MAGEA11: variants seen among roughly 807,000 people sequenced by gnomAD.
MAGEA11 encodes MAGE family member A11.
Under a neutral mutation model 8.4 loss-of-function variants are expected in MAGEA11, and 1 was observed. The ratio of observed to expected loss-of-function variants is 0.12; its 90% CI spans 0.04 to 0.57. MAGEA11 has a LOEUF of 0.57. Ranked by LOEUF, MAGEA11 falls within the 20% of genes least tolerant of loss-of-function variation. The probability of loss-of-function intolerance (pLI) is 0.91; values close to 1 mark genes in which losing one functional copy is unlikely to be tolerated. For synonymous variants in MAGEA11, 127 were observed against 119.3 expected, an observed-to-expected ratio of 1.06 and a Z score of -0.42; for missense variants, 209 against 317.3, an observed-to-expected ratio of 0.66 and a Z score of 2.59.
At chrX:149,711,114 G>C (rs1042243349), upstream of MAGEA11, among the ~76,000 whole-genome samples, 1 of 111,874 alleles carries the variant, frequency 8.9e-6, no homozygotes, top group African/African-American at 3.2e-5. Context: ...AATACGGCTG[G>C]AATTTGTGCT....
At chrX:149,696,269 G>A (rs1476349375) in intron 1 of MAGEA11, among the ~76,000 whole-genome samples, 2 of 109,131 alleles carry the variant, frequency 1.8e-5, no homozygotes, top group Admixed American at 9.8e-5. Flanking sequence ...AGCAGTCAGG[G>A]CAGGGCTTGG....
At chrX:149,710,258 G>GATATA (rs1557361802), upstream of MAGEA11, among the ~76,000 whole-genome samples, 1 of 112,089 alleles carries the variant, frequency 8.9e-6, no homozygotes, top group African/African-American at 3.2e-5. Context: ...TTTTACTGAG[G>GATATA]CAACTATACA....
intron 1 of MAGEA11, among the ~76,000 whole-genome samples, chrX:149,704,178 C>T (rs1295113688): frequency 1.8e-5 from 2 of 111,950 alleles, no homozygotes; most frequent in Non-Finnish European, 3.8e-5. Context: ...TGGCCTCTCT[C>T]CTGTTCTATC....
At chrX:149,690,010 C>T (rs1275472119) in intron 1 of MAGEA11, among the ~76,000 whole-genome samples, 1 of 112,415 alleles carries the variant, frequency 8.9e-6, no homozygotes, top group Non-Finnish European at 1.9e-5. Flanking sequence ...CTGTCTCTAA[C>T]CTCATTCCTA....
chrX:149,700,039 T>C (rs1466914560), intron 1 of MAGEA11, among the ~76,000 whole-genome samples: 2 of 112,051 alleles, frequency 1.8e-5, no homozygotes, highest in Non-Finnish European at 3.8e-5. Flanking sequence ...GAGAACAGCA[T>C]GGGGGGACCC....
chrX:149,694,131 A>C (rs1427049028), intron 1 of MAGEA11, among the ~76,000 whole-genome samples: 1 of 112,173 alleles, frequency 8.9e-6, no homozygotes, highest in Non-Finnish European at 1.9e-5. Context: ...CTTTCTGAGG[A>C]TCTTCCAAAA....
At chrX:149,712,570 C>T (rs1344068643) in intron 1 of MAGEA11, among the ~76,000 whole-genome samples, 2 of 111,335 alleles carry the variant, frequency 1.8e-5, no homozygotes, top group Non-Finnish European at 3.8e-5. Context: ...CTGAGGGCAG[C>T]GGGCCCAGGC....
intron 1 of MAGEA11, among the ~76,000 whole-genome samples, chrX:149,697,144 A>G (rs2090333102): frequency 9.1e-6 from 1 of 109,758 alleles, no homozygotes; most frequent in African/African-American, 3.3e-5. Context: ...TCCTGACCCC[A>G]CATCCTCTGC....
chrX:149,706,377 C>T (rs948717632), intron 1 of MAGEA11, among the ~76,000 whole-genome samples: 7 of 111,169 alleles, frequency 6.3e-5, no homozygotes, highest in South Asian at 7.9e-4. Context: ...CAAAACAGTT[C>T]GGCATCACCT....
chrX:149,697,466 A>G (rs1227434690), intron 1 of MAGEA11, among the ~76,000 whole-genome samples: 1 of 110,558 alleles, frequency 9.0e-6, no homozygotes, highest in African/African-American at 3.3e-5. Context: ...TGAGTCTGAG[A>G]AGCTAGCAAC....
At chrX:149,691,345 T>A (rs1018895931) in intron 1 of MAGEA11, among the ~76,000 whole-genome samples, 1 of 111,998 alleles carries the variant, frequency 8.9e-6, no homozygotes, top group Non-Finnish European at 1.9e-5. Flanking sequence ...CATGTGTGTG[T>A]TTTATCCTCA....
chrX:149,708,522 T>C (rs1273928489), upstream of MAGEA11, among the ~76,000 whole-genome samples: 2 of 111,433 alleles, frequency 1.8e-5, no homozygotes, highest in Non-Finnish European at 3.8e-5. Flanking sequence ...GAGAAGATAT[T>C]TGGAGAGAGA....
rs1304942721 is a variant in MAGEA11 at position 149,692,035 on chromosome X, C to A, written c.9+3051C>A. On this transcript the variant is annotated intron_variant, in intron 1 of 3. Transcript: ENST00000333104. ...AAACCACAAGTGGTCCAGGGCTTCACCAAAAGGGCATGAGGGCAGAACTTT... is the reference window on the plus strand; with the variant it reads ...AAACCACAAGTGGTCCAGGGCTTCAACAAAAGGGCATGAGGGCAGAACTTT... Among the ~76,000 whole-genome samples, 3 of 112,391 alleles carry A rather than the reference C, an allele frequency of 2.7e-5. No individual in the cohort carries two copies. The Admixed American group carries it at 2.8e-4, about 11-fold the overall frequency.
Position 149,716,002 on chromosome X carries a change from C to G in MAGEA11, c.516C>G (p.Pro172=). Residue 172 remains proline (P), a synonymous_variant, in exon 5 of 5, where the codon CCC becomes CCG. Coordinates refer to ENST00000355220, the MANE Select transcript of MAGEA11 (RefSeq NM_005366.5). ...ELPAAESPSP[P]QSPQEESFSP... is the part of the protein sequence containing the mutation. ...CTGCTGCTGAGTCACCAAGTCCTCC[C>G]CAGAGTCCTCAGGAAGAGTCCTTCT... The G allele has an allele frequency of 8.3e-7, 1 of 1,211,582 alleles. No homozygotes were observed. The highest frequency in any genetic ancestry group is 1.1e-6 in the Non-Finnish European group (1 of 895,454).
intron 1 of MAGEA11, among the ~76,000 whole-genome samples, chrX:149,700,325 C>G (rs1411157846): frequency 8.9e-6 from 1 of 112,120 alleles, no homozygotes; most frequent in African/African-American, 3.2e-5. Flanking sequence ...ACTGTGCAAT[C>G]AACAATGCAA....
Position 149,717,150 on chromosome X carries a change from T to A in MAGEA11, c.*374T>A. On this transcript the variant is annotated 3_prime_UTR_variant, in exon 5 of 5. Coordinates refer to ENST00000355220, the MANE Select transcript of MAGEA11 (RefSeq NM_005366.5). Reference sequence around the variant, plus strand: ...GTGTTTGCCATTTTGTAAAACATTTTGGGAAATCTTCCATCTTGCTGTGAT... The same window carrying A: ...GTGTTTGCCATTTTGTAAAACATTTAGGGAAATCTTCCATCTTGCTGTGAT... 7.5e-6 allele frequency: 1 copy of A among 132,890 alleles called. No individual in the cohort carries two copies. Among genetic ancestry groups the A allele is most frequent in the African/African-American group, 3.1e-5 (1 of 31,805 alleles). 11.0% of individuals were successfully genotyped at this position (132,890 alleles called of 1,213,427 possible).
chrX:149,714,135 A>G (rs782033172), intron 2 of MAGEA11: 40 of 186,585 alleles, frequency 2.1e-4, no homozygotes, highest in Non-Finnish European at 3.8e-4. Context: ...AGATACCCAC[A>G]TCCCATAATG....
intron 1 of MAGEA11, among the ~76,000 whole-genome samples, chrX:149,704,067 C>G (rs1453075218): frequency 1.8e-5 from 2 of 112,453 alleles, no homozygotes; most frequent in Non-Finnish European, 3.8e-5. Flanking sequence ...TGCCAGCCAT[C>G]TTCCACTGCT....
chrX:149,697,773 G>T (rs782378029), intron 1 of MAGEA11, among the ~76,000 whole-genome samples: 2 of 111,949 alleles, frequency 1.8e-5, no homozygotes, highest in Non-Finnish European at 3.8e-5. Context: ...TACTGCTCAG[G>T]CCATTGCTTC....
Sources: allele counts gnomAD v4.1 joint callset (sites outside exome capture counted in the v4.1 genomes callset), GRCh38; gene constraint gnomAD v4.1.1; transcripts MANE v1.5; gene names NCBI Gene and HGNC (gene_info 2026-07-23, HGNC 2026-07-21).